Variants in PDZRN4 observed in about 807,000 individuals in gnomAD.
PDZRN4 encodes PDZ domain containing ring finger 4, also known as PDZ domain-containing RING finger protein 4.
Under a neutral mutation model 99.0 loss-of-function variants are expected in PDZRN4, and 70 were observed. The ratio of observed to expected loss-of-function variants is 0.71; its 90% CI spans 0.58 to 0.86. The LOEUF (loss-of-function observed/expected upper bound fraction) is 0.86, where lower values mean the gene tolerates loss of function less well. Among genes scored for constraint, PDZRN4 ranks in the 40% least tolerant of loss-of-function variants. The pLI is 0.00. For synonymous variants in PDZRN4, 551 were observed against 501.6 expected (o/e 1.10, Z -1.32); for missense variants, 1,474 against 1,331.2 (o/e 1.11, Z -1.67).
At chr12:41,297,097 C>T (rs1951500491) in intron 3 of PDZRN4, among the ~76,000 whole-genome samples, 1 of 152,168 alleles carries the variant, frequency 6.6e-6, no homozygotes, top group Non-Finnish European at 1.5e-5. Flanking sequence ...GGTAACATCA[C>T]TTATAAATGT....
intron 3 of PDZRN4, among the ~76,000 whole-genome samples, chr12:41,457,386 G>A (rs954680013): frequency 1.3e-5 from 2 of 152,190 alleles, no homozygotes; most frequent in African/African-American, 4.8e-5. Context: ...GGAATGTAAT[G>A]AATAATCCGA....
chr12:41,465,800 T>C (rs1340693521), intron 3 of PDZRN4, among the ~76,000 whole-genome samples: 3 of 152,224 alleles, frequency 2.0e-5, no homozygotes, highest in African/African-American at 7.2e-5. Flanking sequence ...CTGCCAACTG[T>C]TTATTTATAG....
chr12:41,482,521 A>T (rs1592078762), intron 3 of PDZRN4, among the ~76,000 whole-genome samples: 1 of 152,184 alleles, frequency 6.6e-6, no homozygotes. Flanking sequence ...GGCAGGATCC[A>T]TATCAGCTTC....
At chr12:41,202,561 T>C (rs1017696700) in intron 3 of PDZRN4, among the ~76,000 whole-genome samples, 1 of 152,064 alleles carries the variant, frequency 6.6e-6, no homozygotes, top group Admixed American at 6.6e-5. Context: ...CATGGCTTTA[T>C]AGACAGTACT....
intron 7 of PDZRN4, among the ~76,000 whole-genome samples, chr12:41,557,419 T>C (rs1939187648): frequency 1.3e-5 from 2 of 152,180 alleles, no homozygotes; most frequent in South Asian, 4.1e-4. Context: ...TCCACACTTT[T>C]GGAATCCGAA....
chr12:41,209,791 G>A (rs1950876214), intron 3 of PDZRN4, among the ~76,000 whole-genome samples: 1 of 148,600 alleles, frequency 6.7e-6, no homozygotes, highest in Non-Finnish European at 1.5e-5. Context: ...ATTGGGAATA[G>A]TGCTGCAATA....
chr12:41,285,212 C>T (rs1171137022), intron 3 of PDZRN4, among the ~76,000 whole-genome samples: 2 of 152,098 alleles, frequency 1.3e-5, no homozygotes, highest in Non-Finnish European at 2.9e-5. Context: ...TGAACAGACA[C>T]TTCTCAAAAG....
chr12:41,288,457 T>C (rs980580848), intron 3 of PDZRN4, among the ~76,000 whole-genome samples: 2 of 152,186 alleles, frequency 1.3e-5, no homozygotes, highest in Admixed American at 1.3e-4. Flanking sequence ...TTGTGATGCC[T>C]CCTGTTGTTT....
chr12:41,275,400 A>G (rs1307483593), intron 3 of PDZRN4, among the ~76,000 whole-genome samples: 1 of 152,150 alleles, frequency 6.6e-6, no homozygotes, highest in Non-Finnish European at 1.5e-5. Context: ...AATATTTTAT[A>G]GTTTTCATTG....
At chr12:41,260,566 T>A (rs2120829535) in intron 3 of PDZRN4, among the ~76,000 whole-genome samples, 1 of 152,256 alleles carries the variant, frequency 6.6e-6, no homozygotes, top group African/African-American at 2.4e-5. Flanking sequence ...GTTGCCTTAT[T>A]TAAGTATTAG....
intron 3 of PDZRN4, among the ~76,000 whole-genome samples, chr12:41,397,825 T>C (rs1303943648): frequency 1.3e-5 from 2 of 152,214 alleles, no homozygotes; most frequent in South Asian, 2.1e-4. Flanking sequence ...AAGTCACTTA[T>C]ATTTTTTTCT....
chr12:41,494,040 G>C (rs1464817440), intron 3 of PDZRN4, among the ~76,000 whole-genome samples: 3 of 93,010 alleles, frequency 3.2e-5, no homozygotes, highest in Non-Finnish European at 5.9e-5. Flanking sequence ...TCCTGTCACA[G>C]AAACATTTTT....
At chr12:41,199,704 T>C (rs1232014907) in intron 3 of PDZRN4, among the ~76,000 whole-genome samples, 1 of 152,166 alleles carries the variant, frequency 6.6e-6, no homozygotes, top group Non-Finnish European at 1.5e-5. Flanking sequence ...TGAAATTGTG[T>C]GTTTTGCGCA....
chr12:41,533,409 G>C (rs1487967926), intron 5 of PDZRN4, among the ~76,000 whole-genome samples: 1 of 152,138 alleles, frequency 6.6e-6, no homozygotes, highest in Non-Finnish European at 1.5e-5. Context: ...TCCTGACCTT[G>C]TGATCCACCT....
chr12:41,474,352 A>G (rs1382898535), intron 3 of PDZRN4, among the ~76,000 whole-genome samples: 12 of 152,246 alleles, frequency 7.9e-5, no homozygotes, highest in Admixed American at 7.2e-4. Context: ...TTAATCTCTC[A>G]TAAAGCATTT....
intron 3 of PDZRN4, among the ~76,000 whole-genome samples, chr12:41,351,457 G>A (rs1951889944): frequency 6.6e-6 from 1 of 152,054 alleles, no homozygotes; most frequent in African/African-American, 2.4e-5. Context: ...AAAGAAAAGA[G>A]GTTTAATTGG....
chr12:41,514,263 A>C (rs1938358468), intron 5 of PDZRN4, among the ~76,000 whole-genome samples: 1 of 152,076 alleles, frequency 6.6e-6, no homozygotes, highest in African/African-American at 2.4e-5. Context: ...TATGCAAGGC[A>C]TAAGTAAATC....
chr12:41,219,053 G>A (rs939285776), intron 3 of PDZRN4, among the ~76,000 whole-genome samples: 18 of 150,180 alleles, frequency 1.2e-4, no homozygotes, highest in Admixed American at 4.0e-4. Context: ...GAATAATAAC[G>A]TAGAGACTTA....
At position 41,310,179 on chromosome 12, in the gene PDZRN4, C is replaced by T. The variant is rs570054292; in HGVS notation, c.843+115991C>T. ...AACTACTGACCTCAAGCGATCCACC[C>T]GCCTTGGCCTCCCAAAGTGCTGGGA... On this transcript the variant is annotated intron_variant, in intron 3 of 9. Coordinates refer to ENST00000402685, the MANE Select transcript of PDZRN4 (RefSeq NM_001164595.2). Among the ~76,000 whole-genome samples the T allele has an allele frequency of 2.6e-5, 4 of 152,178 alleles. No homozygotes were observed. The South Asian group carries it at 6.2e-4, about 24-fold the overall frequency.
Sources: gnomAD v4.1 joint callset for allele counts (sites outside exome capture counted in the v4.1 genomes callset) on GRCh38, gnomAD v4.1.1 for gene constraint, MANE v1.5 for transcripts, NCBI Gene and HGNC (gene_info 2026-07-23, HGNC 2026-07-21) for gene names.